ATXN7L1: variants seen among roughly 807,000 people sequenced by gnomAD.
ATXN7L1 encodes ataxin-7-like protein 1.
Under a neutral mutation model 70.8 loss-of-function variants are expected in ATXN7L1, and 15 were observed. The ratio of observed to expected loss-of-function variants is 0.21; its 90% CI spans 0.14 to 0.33. The LOEUF is 0.33. ATXN7L1 is among the 10% of genes least tolerant of loss of function. ATXN7L1 has a pLI of 1.00. For missense variants in ATXN7L1, 975 were observed against 1,097.1 expected (o/e 0.89, Z 1.57); for synonymous variants, 440 against 445.1 (o/e 0.99, Z 0.14).
At position 105,754,824 on chromosome 7, in the gene ATXN7L1, G is replaced by A. The variant is rs149756627; in HGVS notation, c.355+33780C>T. Among the ~76,000 whole-genome samples, 218 of 152,296 alleles carry A rather than the reference G, an allele frequency of 1.4e-3. 2 individuals are homozygous for A. Among genetic ancestry groups the A allele is most frequent in the Non-Finnish European group, 2.5e-3 (167 of 68,026 alleles). On this transcript the variant is annotated intron_variant, in intron 3 of 11. Coordinates refer to ENST00000419735, the MANE Select transcript of ATXN7L1 (RefSeq NM_020725.2). ...TACTATGTGCCAAGCACTGTGCCAA[G>A]AATTGAGAATTGAATGGTAAGCAAA... is the stretch of plus-strand genomic sequence containing the variant.
chr7:105,615,120 G>C (rs529914320), intron 9 of ATXN7L1, among the ~76,000 whole-genome samples: 26 of 152,202 alleles, frequency 1.7e-4, no homozygotes, highest in Admixed American at 1.7e-3. Context: ...ATTTAGAATA[G>C]AAATCTCCCC....
chr7:105,796,836 T>C (rs964910838), intron 2 of ATXN7L1, among the ~76,000 whole-genome samples: 4 of 152,232 alleles, frequency 2.6e-5, no homozygotes, highest in African/African-American at 9.6e-5. Flanking sequence ...TGATTTTATT[T>C]GTTCCCCAAT....
intron 3 of ATXN7L1, among the ~76,000 whole-genome samples, chr7:105,698,420 T>C (rs922117722): frequency 1.3e-5 from 2 of 152,272 alleles, no homozygotes; most frequent in Non-Finnish European, 1.5e-5. Context: ...GCTAGAGTGC[T>C]GTGGTGTGAC....
At chr7:105,648,805 G>C (rs1266002618) in intron 4 of ATXN7L1, among the ~76,000 whole-genome samples, 1 of 152,192 alleles carries the variant, frequency 6.6e-6, no homozygotes, top group Non-Finnish European at 1.5e-5. Context: ...TGTGGACCCT[G>C]AATGACAGGT....
At chr7:105,728,115 AG>A (rs1796127647) in intron 3 of ATXN7L1, among the ~76,000 whole-genome samples, 1 of 152,168 alleles carries the variant, frequency 6.6e-6, no homozygotes, top group Admixed American at 6.5e-5. Context: ...TTAAATTAAA[AG>A]GTATTTCCTT....
intron 3 of ATXN7L1, among the ~76,000 whole-genome samples, chr7:105,667,709 A>AG (rs1446041727): frequency 6.6e-6 from 1 of 151,580 alleles, no homozygotes; most frequent in African/African-American, 2.4e-5. Flanking sequence ...AAAAAAAAAA[A>AG]AAAAAAAAAA....
At chr7:105,873,665 T>C (rs1818607812) in intron 2 of ATXN7L1, among the ~76,000 whole-genome samples, 1 of 152,224 alleles carries the variant, frequency 6.6e-6, no homozygotes, top group Non-Finnish European at 1.5e-5. Context: ...TATGGCTATT[T>C]TGGTGAAGTT....
rs532515093 is a variant in ATXN7L1, at chr7:105,758,380, T to C, written c.355+30224A>G. Among the ~76,000 whole-genome samples, 26 of 152,318 alleles carry C rather than the reference T, an allele frequency of 1.7e-4. No homozygotes were observed. The South Asian group carries it at 4.6e-3, about 27-fold the overall frequency. Reference sequence around the variant, plus strand: ...TACCCATTTTCCACACATGAGAAGATTTACACTCAGTCAGAGCAGGAGCTA... The same window carrying C: ...TACCCATTTTCCACACATGAGAAGACTTACACTCAGTCAGAGCAGGAGCTA... On this transcript the variant is annotated intron_variant, in intron 3 of 11. Transcript: ENST00000419735.
chr7:105,849,466 G>A (rs1391087579), intron 2 of ATXN7L1, among the ~76,000 whole-genome samples: 3 of 152,234 alleles, frequency 2.0e-5, no homozygotes, highest in Non-Finnish European at 4.4e-5. Context: ...CTGGGCCCCC[G>A]CTAGAAGATG....
rs35212819 is a variant in ATXN7L1 at position 105,734,802 on chromosome 7, T to TAG, written c.355+53800_355+53801dup. 2.6e-3 allele frequency among the ~76,000 whole-genome samples: 389 copies of TAG among 149,522 alleles called. 1 individual carries two copies. The highest frequency in any genetic ancestry group is 4.5e-3 in the Non-Finnish European group (301 of 67,298). ...TCTTCCAAACTCTAATCAAAGTGAATAGAGAGAGAGAGAGAGAGAGTGAGA... is the reference window on the plus strand; with the variant it reads ...TCTTCCAAACTCTAATCAAAGTGAATAGAGAGAGAGAGAGAGAGAGAGTGAGA... On this transcript the variant is annotated intron_variant, in intron 3 of 11. Transcript: ENST00000419735.
intron 3 of ATXN7L1, among the ~76,000 whole-genome samples, chr7:105,772,590 T>G (rs1474679282): frequency 6.6e-6 from 1 of 152,110 alleles, no homozygotes; most frequent in African/African-American, 2.4e-5. Context: ...TAAAAAGACC[T>G]CACAATTAAG....
At chr7:105,698,700 G>A (rs1378118328) in intron 3 of ATXN7L1, among the ~76,000 whole-genome samples, 1 of 152,120 alleles carries the variant, frequency 6.6e-6, no homozygotes, top group Admixed American at 6.5e-5. Context: ...ATGTCAGCCA[G>A]CCTTAGCCAG....
intron 3 of ATXN7L1, among the ~76,000 whole-genome samples, chr7:105,772,445 A>G (rs1213125206): frequency 1.3e-5 from 2 of 152,216 alleles, no homozygotes; most frequent in African/African-American, 4.8e-5. Flanking sequence ...ATGACACAGA[A>G]AAGTTGAAAA....
chr7:105,870,125 C>T (rs1432883259), intron 2 of ATXN7L1, among the ~76,000 whole-genome samples: 7 of 151,740 alleles, frequency 4.6e-5, no homozygotes, highest in Admixed American at 3.9e-4. Flanking sequence ...ACTAAAAATA[C>T]AAAAAAATTA....
rs543974847 is a variant in ATXN7L1 at position 105,708,698 on chromosome 7, A to C, written c.356-43410T>G. ...TTATCATCTGTTTGTATAATATCTT[A>C]AGACTGCTGTACCATTCATTAGTAA... is the stretch of plus-strand genomic sequence containing the variant. On this transcript the variant is annotated intron_variant, in intron 3 of 11. Coordinates refer to ENST00000419735, the MANE Select transcript of ATXN7L1 (RefSeq NM_020725.2). Among the ~76,000 whole-genome samples the C allele has an allele frequency of 1.6e-3, 250 of 152,346 alleles. 2 individuals carry two copies. The highest frequency in any genetic ancestry group is 3.2e-3 in the Non-Finnish European group (217 of 68,030).
At chr7:105,819,508 TCCTGGTGC>T in intron 2 of ATXN7L1, 1 of 1,225,358 alleles carries the variant, frequency 8.2e-7, no homozygotes, top group Non-Finnish European at 1.2e-6. Flanking sequence ...GAGGGGCAGG[TCCTGGTGC>T]TTGATGGTCG....
At chr7:105,714,663 TTG>T (rs1491386631) in intron 3 of ATXN7L1, among the ~76,000 whole-genome samples, 3 of 148,604 alleles carry the variant, frequency 2.0e-5, no homozygotes, top group Non-Finnish European at 3.0e-5. Context: ...TCTTCTGTTT[TTG>T]TTTTTGTTTT....
In ATXN7L1 at chr7:105,788,652, T is replaced by A; in HGVS notation, c.307A>T (p.Ser103Cys). The change falls in exon 3 of 12, where the codon AGT becomes TGT. Residue 103 changes from serine (S) to cysteine (C), a missense_variant. By Grantham distance (112) the Ser-to-Cys change is moderately radical. This residue lies in a region of ATXN7L1 where 135 missense variants were observed against 132.6 expected (regional missense o/e 1.02). Coordinates refer to ENST00000419735, the MANE Select transcript of ATXN7L1 (RefSeq NM_020725.2). ...AHDDFYLVVCSACNQVVKPQV... is the reference protein window; with the variant it reads ...AHDDFYLVVCCACNQVVKPQV... ...GGCTTGACGACCTGGTTACAGGCAC[T>A]GCACACTACGAGATAGAAGTCGTCA... 6.2e-7 allele frequency: 1 copy of A among 1,614,078 alleles called. No homozygotes were observed.
At chr7:105,727,352 T>C (rs1049506479) in intron 3 of ATXN7L1, among the ~76,000 whole-genome samples, 1 of 152,064 alleles carries the variant, frequency 6.6e-6, no homozygotes, top group Admixed American at 6.6e-5. Context: ...GCAGAACTTA[T>C]ATATGGTACC....
Sources: gnomAD v4.1 joint callset for allele counts (sites outside exome capture counted in the v4.1 genomes callset) on GRCh38, gnomAD v4.1.1 for gene constraint, gnomAD v4.1.1 regional missense constraint, MANE v1.5 for transcripts, NCBI Gene and HGNC (gene_info 2026-07-23, HGNC 2026-07-21) for gene names.